MFGE8: variants seen among roughly 807,000 people sequenced by gnomAD.
MFGE8 encodes the protein milk fat globule EGF and factor V/VIII domain containing.
In MFGE8, 34 loss-of-function variants were observed where a neutral mutation model predicts 42.6. The ratio of observed to expected loss-of-function variants is 0.80; its 90% confidence interval spans 0.61 to 1.06. The LOEUF (loss-of-function observed/expected upper bound fraction) is 1.06, where lower values mean the gene tolerates loss of function less well. Among genes scored for constraint, MFGE8 ranks in the 50% least tolerant of loss-of-function variants. The pLI, the probability that MFGE8 is intolerant of heterozygous loss-of-function variation, is 0.00. For synonymous variants in MFGE8, 230 were observed against 214.8 expected (o/e 1.07, Z -0.62); for missense variants, 510 against 516.9 (o/e 0.99, Z 0.13).
chr15:88,909,970 G>A, intron 1 of MFGE8, 47 bp from the exon 2 acceptor site: 2 of 1,612,068 alleles, frequency 1.2e-6, no homozygotes, highest in Non-Finnish European at 1.7e-6. Context: ...GGAAGGAGCT[G>A]GGGACACAGG....
intron 6 of MFGE8, 34 bp downstream of exon 6, chr15:88,901,517 A>ATCCCCACAAGGCTGGAC: frequency 9.3e-7 from 1 of 1,072,616 alleles, no homozygotes; most frequent in Non-Finnish European, 1.4e-6. Context: ...ATCCCACCCA[A>ATCCCCACAAGGCTGGAC]CCCCAGCCCC....
Position 88,905,636 on chromosome 15 carries a change from TG to T in MFGE8, c.685+120del. On this transcript the variant is annotated intron_variant, in intron 5 of 7. Transcript: ENST00000268150. This position sits in a 1 kb window ranked among gnomAD's most constrained non-coding sequence, Gnocchi z 6.6. Reference sequence around the variant, plus strand: ...TAGAGTGCGTTGCCCGAGTGAAGCCTGGTCCCCGTGCCTTGTTGCTGCCCTA... The same window carrying T: ...TAGAGTGCGTTGCCCGAGTGAAGCCTGTCCCCGTGCCTTGTTGCTGCCCTA... The T allele has an allele frequency of 7.2e-7, 1 of 1,379,724 alleles. No homozygotes were observed. The highest frequency in any genetic ancestry group is 1.0e-6 in the Non-Finnish European group (1 of 984,272). The allele number at this position is 1,379,724 out of a possible 1,614,324, so 85.5% of individuals were successfully genotyped here. A position where few individuals can be genotyped will look rare whatever the true frequency, so the allele number is the denominator to read the frequency against.
Position 88,903,583 on chromosome 15 carries a change from G to A in MFGE8, c.686-1848C>T, listed in dbSNP as rs576317790. ...ACTGCAACCTCCACCTTCTGACCGG[G>A]TTCAGGCAATTATCCTGCCTCAGCC... On this transcript the variant is annotated intron_variant, in intron 5 of 7. Transcript: ENST00000268150. This position sits in a 1 kb window ranked among gnomAD's most constrained non-coding sequence, Gnocchi z 4.9. 1 of 152,190 alleles carries A rather than the reference G, an allele frequency of 6.6e-6. No homozygotes were observed. The highest frequency in any genetic ancestry group is 1.5e-5 in the Non-Finnish European group (1 of 68,080). The allele number at this position is 152,190 out of a possible 1,614,324, so 9.4% of individuals were successfully genotyped here. A position where few individuals can be genotyped will look rare whatever the true frequency, so the allele number is the denominator to read the frequency against.
In MFGE8 at chr15:88,899,045, G is replaced by C. The variant is rs1439489356; in HGVS notation, c.*350C>G. On this transcript the variant is annotated 3_prime_UTR_variant, in exon 8 of 8. Coordinates refer to ENST00000268150, the MANE Select transcript of MFGE8 (RefSeq NM_005928.4). This position sits in a 1 kb window ranked among gnomAD's most constrained non-coding sequence, Gnocchi z 6.8. ...ATGTGATGTGTGAGAGAGGGGCTAGGAGAGACAGAGACACACGCACCTGGG... is the reference window on the plus strand; with the variant it reads ...ATGTGATGTGTGAGAGAGGGGCTAGCAGAGACAGAGACACACGCACCTGGG... 1 of 384,536 alleles carries C rather than the reference G, an allele frequency of 2.6e-6. No homozygotes were observed. The highest frequency in any genetic ancestry group is 2.1e-5 in the African/African-American group (1 of 48,428). The allele number at this position is 384,536 out of a possible 1,614,324, so 23.8% of individuals were successfully genotyped here.
In MFGE8 at chr15:88,906,192, G is replaced by C; in HGVS notation, c.541-291C>G. On this transcript the variant is annotated intron_variant, in intron 4 of 7. Coordinates refer to ENST00000268150, the MANE Select transcript of MFGE8 (RefSeq NM_005928.4). This position sits in a 1 kb window ranked among gnomAD's most constrained non-coding sequence, Gnocchi z 4.2. ...TACAGGGTACCTCTTTGCAAATTAGGAAAAGGCACTCCTTTCTCAAATAGT... is the reference window on the plus strand; with the variant it reads ...TACAGGGTACCTCTTTGCAAATTAGCAAAAGGCACTCCTTTCTCAAATAGT... 1 of 518,260 alleles carries C rather than the reference G, an allele frequency of 1.9e-6. No homozygotes were observed. Among genetic ancestry groups the C allele is most frequent in the Non-Finnish European group, 3.5e-6 (1 of 285,996 alleles). 32.1% of individuals were successfully genotyped at this position (518,260 alleles called of 1,614,324 possible). A position where few individuals can be genotyped will look rare whatever the true frequency, so the allele number is the denominator to read the frequency against.
chr15:88,907,461 T>C (rs1199418124), intron 2 of MFGE8, 85 bp from the exon 3 acceptor site: 8 of 1,242,588 alleles, frequency 6.4e-6, no homozygotes, highest in South Asian at 1.2e-5. Context: ...AAAATAAGAC[T>C]GTATGACCTC....
At chr15:88,901,836 G>T in intron 5 of MFGE8, 101 bp from the exon 6 acceptor site, 1 of 1,165,740 alleles carries the variant, frequency 8.6e-7, no homozygotes, top group Non-Finnish European at 1.3e-6. Flanking sequence ...ATCCTGACCA[G>T]CCCCTGTCAT....
At chr15:88,912,821 T>G in intron 1 of MFGE8, 1 of 985,138 alleles carries the variant, frequency 1.0e-6, no homozygotes, top group Non-Finnish European at 1.2e-6. Flanking sequence ...CCAACTGGAG[T>G]TGGCAGGGAG....
rs75806462 is a variant in MFGE8, at chr15:88,899,352, G to A, written c.*43C>T. On this transcript the variant is annotated 3_prime_UTR_variant, in exon 8 of 8. Coordinates refer to ENST00000268150, the MANE Select transcript of MFGE8 (RefSeq NM_005928.4). The surrounding 1 kb of genome is among the most constrained non-coding windows in gnomAD (Gnocchi z 6.8). The stretch of plus-strand genomic sequence containing the variant: ...AGGGGCTGAGAAGCCAAGAGGCAGC[G>A]GGCCCATGGAAAGCAGGAAGACCTG... The A allele has an allele frequency of 3.7e-3, 5,974 of 1,612,158 alleles. 191 individuals carry two copies. The African/African-American group carries it at 0.066, about 18-fold the overall frequency.
Position 88,899,245 on chromosome 15 carries a change from G to A in MFGE8, c.*150C>T. ...CCCGTGAGAGGTGGAGGGTGGGAAAGAGGGAGGGAGGGGTGACTGTGTGGT... is the reference window on the plus strand; with the variant it reads ...CCCGTGAGAGGTGGAGGGTGGGAAAAAGGGAGGGAGGGGTGACTGTGTGGT... On this transcript the variant is annotated 3_prime_UTR_variant, in exon 8 of 8. Coordinates refer to ENST00000268150, the MANE Select transcript of MFGE8 (RefSeq NM_005928.4). The surrounding 1 kb of genome is among the most constrained non-coding windows in gnomAD (Gnocchi z 6.8). 2 of 1,055,930 alleles carry A rather than the reference G, an allele frequency of 1.9e-6. No individual in the cohort carries two copies. The highest frequency in any genetic ancestry group is 2.8e-6 in the Non-Finnish European group (2 of 722,614). 65.4% of individuals were successfully genotyped at this position (1,055,930 alleles called of 1,614,324 possible). A position where few individuals can be genotyped will look rare whatever the true frequency, so the allele number is the denominator to read the frequency against.
Position 88,905,638 on chromosome 15 carries a change from GT to G in MFGE8, c.685+118del. 1.4e-6 allele frequency: 2 copies of G among 1,391,730 alleles called. No homozygotes were observed. Among genetic ancestry groups the G allele is most frequent in the East Asian group, 4.6e-5 (2 of 43,082 alleles). The allele number at this position is 1,391,730 out of a possible 1,614,324, so 86.2% of individuals were successfully genotyped here. Reference sequence around the variant, plus strand: ...GAGTGCGTTGCCCGAGTGAAGCCTGGTCCCCGTGCCTTGTTGCTGCCCTACC... The same window carrying G: ...GAGTGCGTTGCCCGAGTGAAGCCTGGCCCCGTGCCTTGTTGCTGCCCTACC... On this transcript the variant is annotated intron_variant, in intron 5 of 7. Coordinates refer to ENST00000268150, the MANE Select transcript of MFGE8 (RefSeq NM_005928.4). This position sits in a 1 kb window ranked among gnomAD's most constrained non-coding sequence, Gnocchi z 6.6.
Sources: allele counts gnomAD v4.1 joint callset, GRCh38; gene constraint gnomAD v4.1.1; non-coding constraint Gnocchi (gnomAD v3.1); transcripts MANE v1.5; gene names NCBI Gene and HGNC (gene_info 2026-07-23, HGNC 2026-07-21).